The following KCNMA1 variants were observed in gnomAD, a reference collection of about 807,000 sequenced individuals.
The protein encoded by KCNMA1 is Calcium-activated potassium channel subunit alpha-1.
A neutral mutation model predicts 140.0 loss-of-function variants in KCNMA1; 29 were observed. That is an observed-to-expected ratio of 0.21 (90% CI 0.15 to 0.28). KCNMA1 has a LOEUF of 0.28. Ranked by LOEUF, KCNMA1 falls within the 10% of genes least tolerant of loss-of-function variation. KCNMA1 has a pLI of 1.00. For missense variants in KCNMA1, 880 were observed against 1,602.2 expected (o/e 0.55, Z 7.70); for synonymous variants, 612 against 611.9 (o/e 1.00, Z 0.00).
chr10:77,550,101 A>G (rs2062407695), intron 1 of KCNMA1, among the ~76,000 whole-genome samples: 1 of 152,198 alleles, frequency 6.6e-6, no homozygotes, highest in East Asian at 1.9e-4. Flanking sequence ...GATTCTCCCA[A>G]GCCAGGCAGT....
At chr10:77,431,065 T>C (rs1245232587) in intron 1 of KCNMA1, among the ~76,000 whole-genome samples, 1 of 152,216 alleles carries the variant, frequency 6.6e-6, no homozygotes, top group Non-Finnish European at 1.5e-5. Context: ...CTGACACATC[T>C]ACTGTCATCT....
At chr10:77,192,208 G>C (rs1213314001) in intron 3 of KCNMA1, among the ~76,000 whole-genome samples, 1 of 152,130 alleles carries the variant, frequency 6.6e-6, no homozygotes, top group Non-Finnish European at 1.5e-5. Context: ...TGCTAACAGA[G>C]AGAATGGAAT....
At chr10:77,270,386 C>T (rs534544277) in intron 2 of KCNMA1, among the ~76,000 whole-genome samples, 1 of 152,270 alleles carries the variant, frequency 6.6e-6, no homozygotes, top group South Asian at 2.1e-4. Context: ...TCAGCAAGAG[C>T]CCAGAAGTCC....
chr10:77,057,809 G>A (rs897488233), intron 14 of KCNMA1, among the ~76,000 whole-genome samples: 1 of 151,640 alleles, frequency 6.6e-6, no homozygotes, highest in Non-Finnish European at 1.5e-5. Context: ...TTCAAAAGAA[G>A]AAAGAAGAGA....
chr10:77,614,773 G>A (rs2088674304), intron 1 of KCNMA1, among the ~76,000 whole-genome samples: 1 of 152,112 alleles, frequency 6.6e-6, no homozygotes, highest in African/African-American at 2.4e-5. Context: ...AGAGGAAGGA[G>A]CCCCCTTGTC....
intron 18 of KCNMA1, among the ~76,000 whole-genome samples, chr10:77,010,437 C>T (rs757751279): frequency 2.0e-5 from 3 of 151,800 alleles, no homozygotes; most frequent in Non-Finnish European, 2.9e-5. Flanking sequence ...ATGCTCTTCT[C>T]GGTAGGTTGT....
chr10:77,129,495 C>T (rs1376175825), intron 5 of KCNMA1, among the ~76,000 whole-genome samples: 1 of 152,106 alleles, frequency 6.6e-6, no homozygotes, highest in Non-Finnish European at 1.5e-5. Flanking sequence ...AATCTACCCT[C>T]TAAGCACACT....
At chr10:77,374,331 T>A (rs967151689) in intron 2 of KCNMA1, among the ~76,000 whole-genome samples, 1 of 152,102 alleles carries the variant, frequency 6.6e-6, no homozygotes, top group Non-Finnish European at 1.5e-5. Context: ...AGGTGCTACA[T>A]CAAAAGACTC....
intron 20 of KCNMA1, among the ~76,000 whole-genome samples, chr10:76,964,617 T>C (rs1033216841): frequency 6.6e-6 from 1 of 152,184 alleles, no homozygotes; most frequent in African/African-American, 2.4e-5. Context: ...CTTCCTTCTT[T>C]CTTTTGCCCA....
intron 1 of KCNMA1, among the ~76,000 whole-genome samples, chr10:77,505,846 A>AAG (rs2045606854): frequency 6.6e-6 from 1 of 152,230 alleles, no homozygotes; most frequent in South Asian, 2.1e-4. Flanking sequence ...AGTGGGTAGT[A>AAG]AGATGTATGA....
chr10:77,344,654 G>C (rs1401128049), intron 2 of KCNMA1, among the ~76,000 whole-genome samples: 1 of 151,716 alleles, frequency 6.6e-6, no homozygotes, highest in Non-Finnish European at 1.5e-5. Flanking sequence ...TCTTTGTGTA[G>C]ACTGACTGTC....
chr10:77,120,829 T>A, intron 6 of KCNMA1, 144 bp downstream of exon 6: 1 of 659,136 alleles, frequency 1.5e-6, no homozygotes. Flanking sequence ...TACTCTGGTT[T>A]TCTCTCCCTC....
chr10:77,563,401 C>T (rs1220476785), intron 1 of KCNMA1, among the ~76,000 whole-genome samples: 1 of 152,104 alleles, frequency 6.6e-6, no homozygotes, highest in African/African-American at 2.4e-5. Flanking sequence ...ATAAGGCAAC[C>T]CGTCCTCATC....
At chr10:77,208,881 C>T (rs1341416163) in intron 3 of KCNMA1, among the ~76,000 whole-genome samples, 1 of 152,094 alleles carries the variant, frequency 6.6e-6, no homozygotes, top group Non-Finnish European at 1.5e-5. Context: ...ATGAAGTAAT[C>T]CTCATCCTGT....
At chr10:76,877,650 A>G (rs201705019), downstream of KCNMA1, 3 of 1,277,030 alleles carry the variant, frequency 2.3e-6, no homozygotes, top group Non-Finnish European at 3.3e-6. Context: ...TAACGTTTCC[A>G]CCAGTGATTC....
intron 3 of KCNMA1, among the ~76,000 whole-genome samples, chr10:77,193,708 C>T (rs1448853077): frequency 1.3e-5 from 2 of 152,290 alleles, no homozygotes; most frequent in South Asian, 2.1e-4. Context: ...ATATGCTCTC[C>T]ATCCAACCCC....
intron 12 of KCNMA1, among the ~76,000 whole-genome samples, chr10:77,084,247 A>T (rs2096645781): frequency 6.6e-6 from 1 of 152,168 alleles, no homozygotes; most frequent in Non-Finnish European, 1.5e-5. Flanking sequence ...ATCTCCAGAC[A>T]TTGCAAAATG....
chr10:77,564,707 T>C (rs1241369776), intron 1 of KCNMA1, among the ~76,000 whole-genome samples: 1 of 152,160 alleles, frequency 6.6e-6, no homozygotes. Context: ...CCTCCTGGCA[T>C]CTAGGTGAAA....
intron 1 of KCNMA1, among the ~76,000 whole-genome samples, chr10:77,555,128 A>G (rs984070438): frequency 1.3e-5 from 2 of 151,972 alleles, no homozygotes; most frequent in African/African-American, 4.8e-5. Flanking sequence ...CAGATTTAAG[A>G]AAGAGGACAC....
Sources: allele counts gnomAD v4.1 joint callset (sites outside exome capture counted in the v4.1 genomes callset), GRCh38; gene constraint gnomAD v4.1.1; transcripts MANE v1.5; gene names NCBI Gene and HGNC (gene_info 2026-07-23, HGNC 2026-07-21).